The following FAM210A variants were observed in gnomAD, a reference collection of about 807,000 sequenced individuals.
The protein encoded by FAM210A is mitochondrial inner membrane scaffold 1.
Under a neutral mutation model 25.3 loss-of-function variants are expected in FAM210A, and 13 were observed. That is an observed-to-expected ratio of 0.51 (90% confidence interval 0.33 to 0.82). The LOEUF is 0.82. Among genes scored for constraint, FAM210A ranks in the 40% least tolerant of loss-of-function variants. The probability of loss-of-function intolerance (pLI) is 0.02; values close to 1 mark genes in which losing one functional copy is unlikely to be tolerated. For missense variants in FAM210A, 319 were observed against 323.2 expected (o/e 0.99, Z 0.10); for synonymous variants, 125 against 118.7 (o/e 1.05, Z -0.35).
At chr18:13,676,962 C>A (rs1473183864) in intron 2 of FAM210A, among the ~76,000 whole-genome samples, 1 of 152,170 alleles carries the variant, frequency 6.6e-6, no homozygotes, top group African/African-American at 2.4e-5. Flanking sequence ...AGACAAAACC[C>A]CGCAGACACT....
intron 1 of FAM210A, among the ~76,000 whole-genome samples, chr18:13,713,588 C>T (rs976963434): frequency 2.0e-5 from 3 of 152,140 alleles, no homozygotes; most frequent in Non-Finnish European, 4.4e-5. Flanking sequence ...GAGCACAGAC[C>T]ATCAAACGAT....
intron 3 of FAM210A, chr18:13,670,888 T>C: frequency 6.5e-6 from 1 of 152,674 alleles, no homozygotes; most frequent in Non-Finnish European, 1.5e-5. Flanking sequence ...CCCAGCTACT[T>C]GGGAGGCTAA....
At chr18:13,679,517 T>C (rs2043532369) in intron 2 of FAM210A, among the ~76,000 whole-genome samples, 1 of 152,210 alleles carries the variant, frequency 6.6e-6, no homozygotes. Flanking sequence ...AAATTGACTT[T>C]CAAATTTTGA....
chr18:13,688,789 C>A (rs570311410), intron 1 of FAM210A, among the ~76,000 whole-genome samples: 136 of 152,348 alleles, frequency 8.9e-4, no homozygotes, highest in African/African-American at 3.0e-3. Context: ...GGGTTGCAGG[C>A]ACCCCCACCT....
intron 2 of FAM210A, among the ~76,000 whole-genome samples, chr18:13,676,084 T>G (rs1268381121): frequency 6.0e-5 from 9 of 151,068 alleles, no homozygotes; most frequent in African/African-American, 1.7e-4. Context: ...GTGACTTCTT[T>G]ATTTCCAGTT....
intron 1 of FAM210A, among the ~76,000 whole-genome samples, chr18:13,694,154 A>G (rs951810360): frequency 2.0e-5 from 3 of 152,252 alleles, no homozygotes; most frequent in African/African-American, 4.8e-5. Context: ...AATACCTAGG[A>G]ATCCAACTTA....
intron 1 of FAM210A, among the ~76,000 whole-genome samples, chr18:13,723,614 T>C (rs2043913172): frequency 6.6e-6 from 1 of 152,210 alleles, no homozygotes; most frequent in East Asian, 1.9e-4. Context: ...CCACCCACAT[T>C]ATTTAGGGTA....
chr18:13,676,429 C>G (rs1412960045), intron 2 of FAM210A, among the ~76,000 whole-genome samples: 2 of 132,072 alleles, frequency 1.5e-5, no homozygotes, highest in Non-Finnish European at 3.5e-5. Context: ...TGATTATTAA[C>G]AGTCCTGAGC....
intron 1 of FAM210A, among the ~76,000 whole-genome samples, chr18:13,712,282 C>G (rs950622499): frequency 6.6e-6 from 1 of 152,178 alleles, no homozygotes; most frequent in African/African-American, 2.4e-5. Context: ...AACTATCATG[C>G]TGGCCTTAGA....
rs770339833 is a variant in FAM210A at position 13,681,998 on chromosome 18, C to A, written c.80G>T (p.Gly27Val). Residue 27 changes from glycine to valine, a missense_variant, in exon 2 of 4, where the codon GGA becomes GTA. Transcript: ENST00000651643. ...AGGTCCCTTTACATTTTGACAGTGT[C>A]CAAAGAGACCAGCATTATGTGGTTC... is the stretch of plus-strand genomic sequence containing the variant. ...CLEPHNAGLFGHCQNVKGPLL... is the reference protein window; with the variant it reads ...CLEPHNAGLFVHCQNVKGPLL... 6.2e-7 allele frequency: 1 copy of A among 1,614,124 alleles called. No individual in the cohort carries two copies. Among genetic ancestry groups the A allele is most frequent in the South Asian group, 1.1e-5 (1 of 91,074 alleles).
At position 13,663,802 on chromosome 18, in the gene FAM210A, G is replaced by C. The variant is rs1266234108; in HGVS notation, c.*2678C>G. On this transcript the variant is annotated 3_prime_UTR_variant, in exon 4 of 4. Coordinates refer to ENST00000651643, the MANE Select transcript of FAM210A (RefSeq NM_152352.4). The stretch of plus-strand genomic sequence containing the variant: ...TGCACTCTAGCCTGGGTGACAGAGT[G>C]AGACTCTGTCTCAAAAAAATAAATA... 1 of 152,020 alleles carries C rather than the reference G, an allele frequency of 6.6e-6. No individual in the cohort carries two copies. The highest frequency in any genetic ancestry group is 1.5e-5 in the Non-Finnish European group (1 of 68,036). 9.4% of individuals were successfully genotyped at this position (152,020 alleles called of 1,614,324 possible).
At chr18:13,713,466 C>T (rs1431021823) in intron 1 of FAM210A, among the ~76,000 whole-genome samples, 1 of 152,150 alleles carries the variant, frequency 6.6e-6, no homozygotes, top group Non-Finnish European at 1.5e-5. Flanking sequence ...AAAATTCACA[C>T]CAATACTAAA....
intron 1 of FAM210A, among the ~76,000 whole-genome samples, chr18:13,685,076 C>T (rs1409464233): frequency 6.6e-6 from 1 of 152,140 alleles, no homozygotes; most frequent in East Asian, 1.9e-4. Context: ...TAAACTTTGA[C>T]CTTTTTCCTC....
At chr18:13,708,750 A>T (rs1055066958) in intron 1 of FAM210A, among the ~76,000 whole-genome samples, 1 of 152,168 alleles carries the variant, frequency 6.6e-6, no homozygotes, top group East Asian at 1.9e-4. Context: ...AAACTACACT[A>T]TCTCACTTTT....
chr18:13,699,986 T>C (rs2043725996), intron 1 of FAM210A, among the ~76,000 whole-genome samples: 2 of 152,226 alleles, frequency 1.3e-5, no homozygotes, highest in African/African-American at 4.8e-5. Flanking sequence ...AGAATACTTC[T>C]ACAACTAAAT....
intron 2 of FAM210A, among the ~76,000 whole-genome samples, chr18:13,678,813 C>T (rs78780304): frequency 0.018 from 2,706 of 152,302 alleles, 30 homozygotes; most frequent in Middle Eastern, 0.061. Context: ...GACAAAAGCA[C>T]ATTCACTGTC....
chr18:13,664,882 C>G lies in FAM210A; in HGVS notation c.*1598G>C, dbSNP rs2043387369. 1 of 152,206 alleles carries G rather than the reference C, an allele frequency of 6.6e-6. No individual in the cohort carries two copies. The highest frequency in any genetic ancestry group is 1.5e-5 in the Non-Finnish European group (1 of 68,018). The allele number at this position is 152,206 out of a possible 1,614,324, so 9.4% of individuals were successfully genotyped here. ...CATTCTCTCGCCTTAGCAGATAAGTCAAAACAAGGACAATCTAAGAGGCCA... is the reference window on the plus strand; with the variant it reads ...CATTCTCTCGCCTTAGCAGATAAGTGAAAACAAGGACAATCTAAGAGGCCA... On this transcript the variant is annotated 3_prime_UTR_variant, in exon 4 of 4. Transcript: ENST00000651643.
Position 13,671,977 on chromosome 18 carries a change from CAA to C in FAM210A, c.474-6_474-5del, listed in dbSNP as rs369611940. On this transcript the variant is annotated splice_polypyrimidine_tract_variant and splice_region_variant and intron_variant, in intron 2 of 3. Transcript: ENST00000651643. The stretch of plus-strand genomic sequence containing the variant: ...AAAAGGAACGACATTCACTCCTCTA[CAA>C]AAAAAAAAAAGTAATTTTCATATGT... 1.1e-3 allele frequency: 1,406 copies of C among 1,233,144 alleles called. No homozygotes were observed. Among genetic ancestry groups the C allele is most frequent in the South Asian group, 1.4e-3 (96 of 67,686 alleles). 76.4% of individuals were successfully genotyped at this position (1,233,144 alleles called of 1,614,324 possible).
intron 1 of FAM210A, among the ~76,000 whole-genome samples, chr18:13,700,707 G>A (rs2043732363): frequency 6.6e-6 from 1 of 152,206 alleles, no homozygotes; most frequent in South Asian, 2.1e-4. Flanking sequence ...TATGGCCTAA[G>A]AAGGACTCCA....
Sources: allele counts gnomAD v4.1 joint callset (sites outside exome capture counted in the v4.1 genomes callset), GRCh38; gene constraint gnomAD v4.1.1; transcripts MANE v1.5; gene names NCBI Gene and HGNC (gene_info 2026-07-23, HGNC 2026-07-21).